Variants in HS3ST5 observed in about 807,000 individuals in gnomAD.
HS3ST5 encodes the protein heparan sulfate glucosamine 3-O-sulfotransferase 5.
In HS3ST5, 10 loss-of-function variants were observed where a neutral mutation model predicts 25.4. That is an observed-to-expected ratio of 0.39 (90% CI 0.24 to 0.67). HS3ST5 has a LOEUF of 0.67. HS3ST5 is among the 30% of genes least tolerant of loss of function. HS3ST5 has a pLI of 0.44. For missense variants in HS3ST5, 324 were observed against 420.7 expected (o/e 0.77, Z 2.01); for synonymous variants, 170 against 162.4 (o/e 1.05, Z -0.36).
chr6:114,330,561 A>G (rs1367196229), intron 1 of HS3ST5, among the ~76,000 whole-genome samples: 3 of 152,188 alleles, frequency 2.0e-5, no homozygotes, highest in Non-Finnish European at 4.4e-5. Context: ...TGATGGTTAC[A>G]ATGGGGAGAA....
chr6:114,215,875 G>A (rs971571351), intron 2 of HS3ST5, among the ~76,000 whole-genome samples: 1 of 152,170 alleles, frequency 6.6e-6, no homozygotes, highest in African/African-American at 2.4e-5. Flanking sequence ...CCGCTGATGA[G>A]TCCACTCATC....
intron 1 of HS3ST5, among the ~76,000 whole-genome samples, chr6:114,337,747 CT>C (rs1420263392): frequency 6.6e-6 from 1 of 152,068 alleles, no homozygotes; most frequent in Non-Finnish European, 1.5e-5. Flanking sequence ...TTACATCTAA[CT>C]TGCTCCCCAC....
chr6:114,184,631 C>T (rs963008068), intron 2 of HS3ST5, among the ~76,000 whole-genome samples: 2 of 152,188 alleles, frequency 1.3e-5, no homozygotes, highest in East Asian at 1.9e-4. Flanking sequence ...AGGGCTGCTT[C>T]CCTGGTTTCA....
At chr6:114,091,996 C>G (rs1357358904) in intron 3 of HS3ST5, among the ~76,000 whole-genome samples, 1 of 152,192 alleles carries the variant, frequency 6.6e-6, no homozygotes, top group Non-Finnish European at 1.5e-5. Context: ...AAACCACTCT[C>G]AAACTCTCAC....
chr6:114,308,893 C>T (rs1775415537), intron 1 of HS3ST5, among the ~76,000 whole-genome samples: 1 of 152,160 alleles, frequency 6.6e-6, no homozygotes, highest in African/African-American at 2.4e-5. Flanking sequence ...TCCTTGATGG[C>T]AGGTGCTCTC....
chr6:114,085,933 T>TTCCC (rs1774779424), intron 3 of HS3ST5, among the ~76,000 whole-genome samples: 5 of 71,024 alleles, frequency 7.0e-5, no homozygotes, highest in South Asian at 5.2e-4. Flanking sequence ...ATAAATTCAT[T>TTCCC]GCCCCCCCCC....
chr6:114,250,258 C>A (rs367755229), intron 1 of HS3ST5, among the ~76,000 whole-genome samples: 1 of 152,084 alleles, frequency 6.6e-6, no homozygotes, highest in South Asian at 2.1e-4. Context: ...TTTATATTTT[C>A]ATTGACTAGA....
chr6:114,121,505 C>T (rs1477626553), intron 3 of HS3ST5, among the ~76,000 whole-genome samples: 1 of 151,978 alleles, frequency 6.6e-6, no homozygotes, highest in African/African-American at 2.4e-5. Flanking sequence ...AATCTAATTA[C>T]CTAACAAAAA....
intron 2 of HS3ST5, among the ~76,000 whole-genome samples, chr6:114,183,079 G>A (rs1780043029): frequency 6.6e-6 from 1 of 152,014 alleles, no homozygotes; most frequent in Admixed American, 6.6e-5. Flanking sequence ...TTACATCACT[G>A]GCTTTCCTGG....
intron 3 of HS3ST5, among the ~76,000 whole-genome samples, chr6:114,089,390 A>G (rs899945139): frequency 6.6e-6 from 1 of 152,138 alleles, no homozygotes; most frequent in Non-Finnish European, 1.5e-5. Flanking sequence ...AGAAAAGAGT[A>G]TATATGTGTT....
intron 2 of HS3ST5, among the ~76,000 whole-genome samples, chr6:114,168,998 G>A (rs1361620326): frequency 6.6e-6 from 1 of 151,990 alleles, no homozygotes; most frequent in East Asian, 1.9e-4. Flanking sequence ...TAGCTGCAGA[G>A]TACATGTTTG....
intron 3 of HS3ST5, among the ~76,000 whole-genome samples, chr6:114,155,334 A>G (rs1430186771): frequency 7.9e-5 from 12 of 152,358 alleles, no homozygotes; most frequent in Admixed American, 4.6e-4. Context: ...GAAGAAAAAG[A>G]ATAGAGAGTA....
chr6:114,253,007 G>A (rs1360231945), intron 1 of HS3ST5, among the ~76,000 whole-genome samples: 8 of 152,066 alleles, frequency 5.3e-5, no homozygotes, highest in Admixed American at 2.0e-4. Context: ...CACAGGAGAT[G>A]AGACCCCATC....
chr6:114,218,147 G>C (rs1781859157), intron 2 of HS3ST5, among the ~76,000 whole-genome samples: 1 of 152,058 alleles, frequency 6.6e-6, no homozygotes, highest in African/African-American at 2.4e-5. Context: ...ACAGGTGCCT[G>C]CTACCATGCC....
chr6:114,146,435 T>G (rs993324358), intron 3 of HS3ST5, among the ~76,000 whole-genome samples: 2 of 152,146 alleles, frequency 1.3e-5, no homozygotes, highest in Non-Finnish European at 2.9e-5. Context: ...CAAAGGAGTG[T>G]TTCTCTCTGT....
intron 1 of HS3ST5, among the ~76,000 whole-genome samples, chr6:114,250,539 C>CCACT (rs1271682837): frequency 6.6e-6 from 1 of 151,372 alleles, no homozygotes; most frequent in Non-Finnish European, 1.5e-5. Flanking sequence ...CAAGATCACG[C>CCACT]CACTGCACTC....
intron 2 of HS3ST5, among the ~76,000 whole-genome samples, chr6:114,169,891 A>C (rs1010638406): frequency 8.5e-5 from 13 of 152,160 alleles, no homozygotes; most frequent in Non-Finnish European, 1.6e-4. Flanking sequence ...CAAAACATGC[A>C]AACTTGCCTT....
intron 3 of HS3ST5, among the ~76,000 whole-genome samples, chr6:114,109,201 C>G (rs1475749244): frequency 6.6e-6 from 1 of 152,092 alleles, no homozygotes; most frequent in Non-Finnish European, 1.5e-5. Context: ...TTCCACTACT[C>G]TCCTAACAGA....
intron 2 of HS3ST5, among the ~76,000 whole-genome samples, chr6:114,205,344 C>G (rs1781224383): frequency 6.6e-6 from 1 of 152,052 alleles, no homozygotes; most frequent in Non-Finnish European, 1.5e-5. Flanking sequence ...CTTACAATAA[C>G]CAGCCTATTA....
Sources: gnomAD v4.1 joint callset for allele counts (sites outside exome capture counted in the v4.1 genomes callset) on GRCh38, gnomAD v4.1.1 for gene constraint, MANE v1.5 for transcripts, NCBI Gene and HGNC (gene_info 2026-07-23, HGNC 2026-07-21) for gene names.